Variants in RYR2 observed in about 807,000 individuals in gnomAD.
RYR2 encodes cardiac muscle ryanodine receptor-calcium release channel.
In RYR2, 227 loss-of-function variants were observed where a neutral mutation model predicts 601.1. The observed-to-expected ratio is 0.38, with a 90% CI of 0.34 to 0.42. The LOEUF is 0.42. RYR2 is among the 10% of genes least tolerant of loss of function. The pLI is 1.00. For missense variants in RYR2, 4,646 were observed against 6,156.5 expected, an observed-to-expected ratio of 0.75 and a Z score of 8.21; for synonymous variants, 2,223 against 2,175.1, an observed-to-expected ratio of 1.02 and a Z score of -0.61.
intron 1 of RYR2, among the ~76,000 whole-genome samples, chr1:237,055,809 G>A (rs1661925889): frequency 6.6e-6 from 1 of 152,216 alleles, no homozygotes; most frequent in African/African-American, 2.4e-5. Flanking sequence ...AAGTGAAAGT[G>A]AGGCCATTAA....
intron 2 of RYR2, among the ~76,000 whole-genome samples, chr1:237,319,665 A>C (rs918886731): frequency 2.0e-5 from 3 of 152,190 alleles, no homozygotes; most frequent in Admixed American, 2.0e-4. Context: ...GTGCTCAGAC[A>C]CTTTGAGGAG....
chr1:237,323,770 G>T (rs1338072364), intron 2 of RYR2, among the ~76,000 whole-genome samples: 1 of 152,086 alleles, frequency 6.6e-6, no homozygotes. Flanking sequence ...CTCTCACCTG[G>T]ACCTTTCTAT....
At chr1:237,551,337 G>T (rs1434174783) in intron 27 of RYR2, among the ~76,000 whole-genome samples, 4 of 151,984 alleles carry the variant, frequency 2.6e-5, no homozygotes, top group African/African-American at 9.7e-5. Flanking sequence ...AGACCATCCT[G>T]GCTAACACAG....
At chr1:237,275,359 G>T (rs1285876390) in intron 2 of RYR2, among the ~76,000 whole-genome samples, 2 of 151,662 alleles carry the variant, frequency 1.3e-5, no homozygotes, top group Non-Finnish European at 2.9e-5. Flanking sequence ...AAAAACAAAG[G>T]CATTCAGAAA....
chr1:237,257,092 A>G (rs1688066435), intron 1 of RYR2, among the ~76,000 whole-genome samples: 1 of 152,190 alleles, frequency 6.6e-6, no homozygotes, highest in African/African-American at 2.4e-5. Context: ...CTATCTAAAG[A>G]TATTTGGGAA....
chr1:237,467,963 A>G (rs1048110922), intron 16 of RYR2, among the ~76,000 whole-genome samples: 1 of 149,368 alleles, frequency 6.7e-6, no homozygotes, highest in African/African-American at 2.5e-5. Context: ...GGTTCAAGCG[A>G]TTCTCTTAAC....
intron 1 of RYR2, among the ~76,000 whole-genome samples, chr1:237,048,994 G>A: frequency 6.6e-6 from 1 of 152,224 alleles, no homozygotes; most frequent in Admixed American, 6.5e-5. Flanking sequence ...TCTGGAAGCA[G>A]AAGAGTAGGA....
At chr1:237,434,178 G>T (rs1291847126) in intron 12 of RYR2, among the ~76,000 whole-genome samples, 3 of 152,130 alleles carry the variant, frequency 2.0e-5, no homozygotes, top group African/African-American at 7.2e-5. Flanking sequence ...AAATCATTAA[G>T]ATCATTTTAA....
chr1:237,351,896 A>T (rs1445837309), intron 3 of RYR2, among the ~76,000 whole-genome samples: 9 of 146,696 alleles, frequency 6.1e-5, no homozygotes, highest in Non-Finnish European at 1.4e-4. Flanking sequence ...ACTAATATTT[A>T]TCAGGGACTG....
chr1:237,682,141 C>T (rs894900154), intron 62 of RYR2, among the ~76,000 whole-genome samples: 12 of 152,230 alleles, frequency 7.9e-5, no homozygotes, highest in African/African-American at 1.9e-4. Flanking sequence ...ATGCATATAT[C>T]GAAGCATCCA....
intron 3 of RYR2, among the ~76,000 whole-genome samples, chr1:237,351,283 T>A (rs1173513952): frequency 6.6e-6 from 1 of 152,082 alleles, no homozygotes; most frequent in Non-Finnish European, 1.5e-5. Flanking sequence ...GTTATCTAAA[T>A]ATCTCAAGAA....
rs529011960 is a variant in RYR2 at position 237,055,448 on chromosome 1, T to C, written c.48+12879T>C. On this transcript the variant is annotated intron_variant, in intron 1 of 104. Transcript: ENST00000366574. ...AGCTGAGAAGCCTATTAGGAGACAG[T>C]CACCACGGAGCTGGTGCAAGATAAT... is the stretch of plus-strand genomic sequence containing the variant. Among the ~76,000 whole-genome samples the C allele has an allele frequency of 3.3e-5, 5 of 152,146 alleles. No homozygotes were observed. The South Asian group carries it at 1.0e-3, about 32-fold the overall frequency.
At chr1:237,107,331 C>T (rs1350699622) in intron 1 of RYR2, among the ~76,000 whole-genome samples, 2 of 151,436 alleles carry the variant, frequency 1.3e-5, no homozygotes, top group Middle Eastern at 3.4e-3. Context: ...ACCATCCTGG[C>T]TAACACGGTG....
At chr1:237,486,303 A>G (rs1001774939) in intron 17 of RYR2, among the ~76,000 whole-genome samples, 2 of 152,168 alleles carry the variant, frequency 1.3e-5, no homozygotes, top group African/African-American at 4.8e-5. Flanking sequence ...TAGTCAACCT[A>G]AGTTCTTGTA....
rs1204438736 is a variant in RYR2 at position 237,795,828 on chromosome 1, G to GTT, written c.13956+498_13956+499insTT. Among the ~76,000 whole-genome samples, 32 of 57,680 alleles carry GTT rather than the reference G, an allele frequency of 5.5e-4. No individual in the cohort carries two copies. The South Asian group carries it at 0.012, about 21-fold the overall frequency. The allele number at this position is 57,680 out of a possible 152,430, so 37.8% of individuals were successfully genotyped here. On this transcript the variant is annotated intron_variant, in intron 96 of 104. Coordinates refer to ENST00000366574, the MANE Select transcript of RYR2 (RefSeq NM_001035.3). ...TGTATGTATATACAGGTATGTATGT[G>GTT]TGTGTGTGTATATATATATATGTAT...
chr1:237,795,361 T>C (rs1369006930), intron 96 of RYR2, 30 bp downstream of exon 96: 1 of 1,186,692 alleles, frequency 8.4e-7, no homozygotes, highest in Non-Finnish European at 1.2e-6. Context: ...TCTACATTTT[T>C]CTTAAAGCAC....
At chr1:237,722,816 G>A (rs1689860088) in intron 73 of RYR2, among the ~76,000 whole-genome samples, 1 of 152,178 alleles carries the variant, frequency 6.6e-6, no homozygotes, top group Non-Finnish European at 1.5e-5. Context: ...CACATGATTA[G>A]TGTAGTCAGA....
rs777227213 is a variant in RYR2, at chr1:237,781,624, C to T, written c.11940C>T (p.Val3980=). Reference sequence around the variant, plus strand: ...TGGATCTGCAGAAGGATATGGTGGTCATGTTGCTGTCCATGTTAGAAGGTA... The same window carrying T: ...TGGATCTGCAGAAGGATATGGTGGTTATGTTGCTGTCCATGTTAGAAGGTA... The part of the protein sequence containing the change: ...ELMDLQKDMV[V]MLLSMLEGNV... The change falls in exon 89 of 105, where the codon GTC becomes GTT. Residue 3980 remains valine (V), a synonymous_variant. Coordinates refer to ENST00000366574, the MANE Select transcript of RYR2 (RefSeq NM_001035.3). 3.2e-6 allele frequency: 5 copies of T among 1,586,564 alleles called. No individual in the cohort carries two copies. In the East Asian group the frequency reaches 1.1e-4, roughly 36 times the overall value.
At chr1:237,154,687 G>T (rs903088792) in intron 1 of RYR2, among the ~76,000 whole-genome samples, 4 of 152,028 alleles carry the variant, frequency 2.6e-5, no homozygotes, top group Non-Finnish European at 4.4e-5. Flanking sequence ...TTCAATAATG[G>T]CCTGTACAGA....
Sources: allele counts gnomAD v4.1 joint callset (sites outside exome capture counted in the v4.1 genomes callset), GRCh38; gene constraint gnomAD v4.1.1; transcripts MANE v1.5; gene names NCBI Gene and HGNC (gene_info 2026-07-23, HGNC 2026-07-21).